KATNIP: variants seen among roughly 807,000 people sequenced by gnomAD.
The protein encoded by KATNIP is katanin interacting protein, also known as katanin-interacting protein.
Under a neutral mutation model 174.0 loss-of-function variants are expected in KATNIP, and 126 were observed. The ratio of observed to expected loss-of-function variants is 0.72; its 90% CI spans 0.63 to 0.84. The LOEUF (loss-of-function observed/expected upper bound fraction) is 0.84. Among genes scored for constraint, KATNIP ranks in the 40% least tolerant of loss-of-function variants. The pLI, the probability that KATNIP is intolerant of heterozygous loss-of-function variation, is 0.00. For synonymous variants in KATNIP, 810 were observed against 835.7 expected, an observed-to-expected ratio of 0.97 and a Z score of 0.53; for missense variants, 1,958 against 2,109.7, an observed-to-expected ratio of 0.93 and a Z score of 1.41.
Position 27,769,974 on chromosome 16 carries a change from C to A in KATNIP, c.4089C>A (p.Phe1363Leu), listed in dbSNP as rs202117354. Reference protein sequence around the residue: ...CHFDFAQEILFVDYLRAQLLP... With the variant: ...CHFDFAQEILLVDYLRAQLLP... ...TTGATTTTGCTCAAGAAATCCTCTT[C>A]GTGGACTACCTACGGGCTCAGCTGC... The change falls in exon 21 of 28, where the codon TTC becomes TTA. Residue 1363 changes from phenylalanine (F) to leucine (L), a missense_variant. By Grantham distance (22) the Phe-to-Leu change is conservative. Transcript: ENST00000261588. 4 of 1,614,234 alleles carry A rather than the reference C, an allele frequency of 2.5e-6. No homozygotes were observed. In the Admixed American group the frequency reaches 6.7e-5, roughly 27 times the overall value.
At chr16:27,555,730 G>T (rs933502615) in intron 1 of KATNIP, among the ~76,000 whole-genome samples, 1 of 152,130 alleles carries the variant, frequency 6.6e-6, no homozygotes, top group Non-Finnish European at 1.5e-5. Context: ...CAGCCACTTG[G>T]GGGGCTGAGG....
chr16:27,615,062 A>C (rs1231464659), intron 2 of KATNIP, among the ~76,000 whole-genome samples: 1 of 152,228 alleles, frequency 6.6e-6, no homozygotes, highest in Admixed American at 6.5e-5. Flanking sequence ...TAGAGAAGGC[A>C]CAGGCAGAAA....
intron 15 of KATNIP, among the ~76,000 whole-genome samples, chr16:27,746,159 G>A (rs776058057): frequency 1.1e-4 from 16 of 152,106 alleles, no homozygotes; most frequent in Non-Finnish European, 1.9e-4. Context: ...AACCCAGAGT[G>A]TACAACTCAG....
intron 15 of KATNIP, among the ~76,000 whole-genome samples, chr16:27,748,308 C>T (rs1037324276): frequency 2.6e-4 from 39 of 152,208 alleles, no homozygotes; most frequent in Non-Finnish European, 1.5e-4. Flanking sequence ...TGGCTGGGCG[C>T]GGTGGCTTAC....
chr16:27,611,582 C>A (rs1190388227), intron 2 of KATNIP, among the ~76,000 whole-genome samples: 1 of 152,336 alleles, frequency 6.6e-6, no homozygotes, highest in East Asian at 1.9e-4. Flanking sequence ...TGTCATGGGT[C>A]TGCCCTCCAG....
At chr16:27,567,008 G>GGC (rs2090117845) in intron 1 of KATNIP, among the ~76,000 whole-genome samples, 1 of 152,108 alleles carries the variant, frequency 6.6e-6, no homozygotes, top group African/African-American at 2.4e-5. Flanking sequence ...CTAAGGAACT[G>GGC]TTGGTTCAAT....
intron 3 of KATNIP, among the ~76,000 whole-genome samples, chr16:27,618,799 G>A (rs2076115958): frequency 1.3e-5 from 2 of 152,220 alleles, no homozygotes; most frequent in African/African-American, 4.8e-5. Flanking sequence ...GGCAGGGCTT[G>A]TGCAAGAACC....
intron 6 of KATNIP, among the ~76,000 whole-genome samples, chr16:27,649,787 A>G (rs1322545138): frequency 1.3e-5 from 2 of 152,254 alleles, no homozygotes; most frequent in African/African-American, 2.4e-5. Flanking sequence ...ATGGGATAGC[A>G]AGATGGTGTG....
chr16:27,611,374 A>AT (rs1410132393), intron 2 of KATNIP, among the ~76,000 whole-genome samples: 1 of 152,186 alleles, frequency 6.6e-6, no homozygotes, highest in Non-Finnish European at 1.5e-5. Flanking sequence ...TCATACATCC[A>AT]TTTTGTAGGC....
Position 27,599,508 on chromosome 16 carries a change from G to T in KATNIP, c.64-18917G>T, listed in dbSNP as rs147569043. 2.0e-3 allele frequency among the ~76,000 whole-genome samples: 308 copies of T among 152,174 alleles called. 3 individuals are homozygous for T. Among genetic ancestry groups the T allele is most frequent in the African/African-American group, 6.6e-3 (273 of 41,530 alleles). On this transcript the variant is annotated intron_variant, in intron 2 of 27. Coordinates refer to ENST00000261588, the MANE Select transcript of KATNIP (RefSeq NM_015202.5). ...GCCTTTGCTCCATGAATGGTGCCCCGTCCCTCCAATGATGCAGGCCAGAAA... is the reference window on the plus strand; with the variant it reads ...GCCTTTGCTCCATGAATGGTGCCCCTTCCCTCCAATGATGCAGGCCAGAAA...
intron 1 of KATNIP, among the ~76,000 whole-genome samples, chr16:27,564,690 C>T (rs1340889686): frequency 1.3e-5 from 2 of 152,042 alleles, no homozygotes; most frequent in South Asian, 2.1e-4. Context: ...CCACATCAGC[C>T]TGGAGGCACA....
At chr16:27,652,825 A>G (rs1340454693) in intron 6 of KATNIP, among the ~76,000 whole-genome samples, 1 of 150,926 alleles carries the variant, frequency 6.6e-6, no homozygotes, top group African/African-American at 2.4e-5. Flanking sequence ...AAAAAAAATT[A>G]TATTGTCTCT....
At chr16:27,610,723 A>G (rs1037883523) in intron 2 of KATNIP, among the ~76,000 whole-genome samples, 1 of 152,282 alleles carries the variant, frequency 6.6e-6, no homozygotes, top group Non-Finnish European at 1.5e-5. Flanking sequence ...AAGGAAAATA[A>G]ATCTTGATGC....
In KATNIP at chr16:27,681,536, AG is replaced by A; in HGVS notation, c.940+7del. On this transcript the variant is annotated splice_region_variant and intron_variant, in intron 8 of 27. Transcript: ENST00000261588. Reference sequence around the variant, plus strand: ...CCAGGAGAGGATGTGCTCCAGTAAGAGTTCCGGGGGCCCCTGAGCAGGGGAG... The same window carrying A: ...CCAGGAGAGGATGTGCTCCAGTAAGATTCCGGGGGCCCCTGAGCAGGGGAG... 2 of 1,614,114 alleles carry A rather than the reference AG, an allele frequency of 1.2e-6. No individual in the cohort carries two copies. The highest frequency in any genetic ancestry group is 1.7e-6 in the Non-Finnish European group (2 of 1,180,000).
chr16:27,564,794 T>G (rs2090021294), intron 1 of KATNIP, among the ~76,000 whole-genome samples: 1 of 151,898 alleles, frequency 6.6e-6, no homozygotes, highest in Admixed American at 6.6e-5. Flanking sequence ...TGACGGAGTT[T>G]CACTCTTCTT....
intron 2 of KATNIP, among the ~76,000 whole-genome samples, chr16:27,577,730 A>G (rs368675024): frequency 6.6e-6 from 1 of 151,720 alleles, no homozygotes; most frequent in South Asian, 2.1e-4. Flanking sequence ...AATGAAAATC[A>G]GGTGTGGTGT....
chr16:27,640,723 T>C (rs546521607), intron 5 of KATNIP, among the ~76,000 whole-genome samples: 19 of 150,968 alleles, frequency 1.3e-4, no homozygotes, highest in African/African-American at 4.6e-4. Flanking sequence ...CAGAACCTTG[T>C]ATGCAGTCGG....
intron 3 of KATNIP, among the ~76,000 whole-genome samples, chr16:27,626,900 G>A (rs2076350114): frequency 1.3e-5 from 2 of 151,972 alleles, no homozygotes; most frequent in Admixed American, 1.3e-4. Flanking sequence ...AGGAGGTGGA[G>A]GTTGCAGTGA....
At chr16:27,704,143 C>G (rs2079208375) in intron 12 of KATNIP, 145 bp downstream of exon 12, 2 of 661,606 alleles carry the variant, frequency 3.0e-6, no homozygotes, top group Admixed American at 4.8e-5. Flanking sequence ...CCCTGGCACA[C>G]AGAGGTATAT....
Sources: allele counts gnomAD v4.1 joint callset (sites outside exome capture counted in the v4.1 genomes callset), GRCh38; gene constraint gnomAD v4.1.1; transcripts MANE v1.5; gene names NCBI Gene and HGNC (gene_info 2026-07-23, HGNC 2026-07-21).